TRPM8: variants seen among roughly 807,000 people sequenced by gnomAD.
TRPM8 encodes the protein transient receptor potential cation channel subfamily M member 8, also known as TRPM8 cationic channel.
In TRPM8, 110 loss-of-function variants were observed where a neutral mutation model predicts 133.7. The observed-to-expected ratio is 0.82, with a 90% CI of 0.70 to 0.96. TRPM8 has a LOEUF of 0.96. TRPM8 is among the 40% of genes least tolerant of loss of function. The pLI, the probability that TRPM8 is intolerant of heterozygous loss-of-function variation, is 0.00. For missense variants in TRPM8, 1,291 were observed against 1,379.5 expected (o/e 0.94, Z 1.02); for synonymous variants, 535 against 532.3 (o/e 1.01, Z -0.07).
intron 24 of TRPM8, among the ~76,000 whole-genome samples, chr2:234,008,552 C>T: frequency 6.6e-6 from 1 of 152,354 alleles, no homozygotes; most frequent in Admixed American, 6.5e-5. Context: ...CAGAGTGTGT[C>T]TGCCCTCACT....
At chr2:233,943,324 T>C (rs766850464) in intron 6 of TRPM8, among the ~76,000 whole-genome samples, 3 of 151,970 alleles carry the variant, frequency 2.0e-5, no homozygotes, top group Non-Finnish European at 4.4e-5. Flanking sequence ...AACCCAAATG[T>C]CCAACAGTGA....
intron 12 of TRPM8, 48 bp from the exon 13 acceptor site, chr2:233,963,234 A>C: frequency 2.2e-6 from 3 of 1,362,920 alleles, no homozygotes; most frequent in Non-Finnish European, 3.1e-6. Context: ...TCCTGATCCC[A>C]GAACAGTTTC....
intron 2 of TRPM8, among the ~76,000 whole-genome samples, chr2:233,928,181 G>A (rs1691606010): frequency 6.6e-6 from 1 of 151,796 alleles, no homozygotes; most frequent in South Asian, 2.1e-4. Flanking sequence ...GTGTTAGCCA[G>A]GATGGTCTCG....
At chr2:233,970,631 T>C (rs1228806331) in intron 17 of TRPM8, 2 of 590,482 alleles carry the variant, frequency 3.4e-6, no homozygotes, top group African/African-American at 1.9e-5. Flanking sequence ...ACCAAGTTTA[T>C]TCTTTGCTCT....
rs1421979835 is a variant in TRPM8 at position 233,989,654 on chromosome 2, C to T, written c.2939+3789C>T. Among the ~76,000 whole-genome samples the T allele has an allele frequency of 6.6e-6, 1 of 152,192 alleles. No homozygotes were observed. The highest frequency in any genetic ancestry group is 2.4e-5 in the African/African-American group (1 of 41,448). ...TCAAAATACTCATTTAAAAGCTTAA[C>T]CATACACAATGGCAACCTTATTAAC... On this transcript the variant is annotated intron_variant, in intron 21 of 25. Coordinates refer to ENST00000324695, the MANE Select transcript of TRPM8 (RefSeq NM_024080.5). This position sits in a 1 kb window ranked among gnomAD's most constrained non-coding sequence, Gnocchi z 4.2.
intron 15 of TRPM8, 120 bp downstream of exon 15, chr2:233,966,875 A>T (rs1691590793): frequency 7.6e-7 from 1 of 1,315,354 alleles, no homozygotes; most frequent in Admixed American, 3.1e-5. Flanking sequence ...AAGCCATAGA[A>T]GGAGTGGTTT....
Position 233,938,656 on chromosome 2 carries a change from T to C in TRPM8, c.349-342T>C, listed in dbSNP as rs112531435. Among the ~76,000 whole-genome samples the C allele has an allele frequency of 3.7e-3, 568 of 151,962 alleles. 5 individuals carry two copies. Among genetic ancestry groups the C allele is most frequent in the African/African-American group, 0.013 (551 of 41,410 alleles). On this transcript the variant is annotated intron_variant, in intron 4 of 25. Transcript: ENST00000324695. ...ATAAGAGACAAATAGTAGCATTCTT[T>C]TGAGTTTCTGATTAGCCTTTCCAAA... is the stretch of plus-strand genomic sequence containing the variant.
rs28901651 is a variant in TRPM8, at chr2:233,951,468, C to T, written c.1140+1322C>T. ...CCAGGTCCACTTCAGTGACCTTCCT[C>T]TTACTCCTTGTACAAGTTGGCTTGC... On this transcript the variant is annotated intron_variant, in intron 9 of 25. Coordinates refer to ENST00000324695, the MANE Select transcript of TRPM8 (RefSeq NM_024080.5). 7.8e-3 allele frequency among the ~76,000 whole-genome samples: 1,183 copies of T among 152,240 alleles called. 20 individuals carry two copies. Among genetic ancestry groups the T allele is most frequent in the African/African-American group, 0.026 (1,096 of 41,540 alleles).
intron 17 of TRPM8, among the ~76,000 whole-genome samples, chr2:233,975,692 C>A (rs112451940): frequency 6.6e-6 from 1 of 152,204 alleles, no homozygotes; most frequent in South Asian, 2.1e-4. Flanking sequence ...ACCAGCCTGG[C>A]CAACATGGCA....
Position 233,966,904 on chromosome 2 carries a change from G to A in TRPM8, c.2025+149G>A, listed in dbSNP as rs1574736645. 4 of 1,010,438 alleles carry A rather than the reference G, an allele frequency of 4.0e-6. No individual in the cohort carries two copies. The East Asian group carries it at 1.1e-4, about 28-fold the overall frequency. The allele number at this position is 1,010,438 out of a possible 1,614,324, so 62.6% of individuals were successfully genotyped here. A position where few individuals can be genotyped will look rare whatever the true frequency, so the allele number is the denominator to read the frequency against. Reference sequence around the variant, plus strand: ...GTGGTTTGGTGATGATGTGGGAGATGGCCAAGTATAGGCATTGGTCGAAAT... The same window carrying A: ...GTGGTTTGGTGATGATGTGGGAGATAGCCAAGTATAGGCATTGGTCGAAAT... On this transcript the variant is annotated intron_variant, in intron 15 of 25. Transcript: ENST00000324695.
At chr2:233,929,534 TTGTC>T in intron 2 of TRPM8, among the ~76,000 whole-genome samples, 1 of 152,310 alleles carries the variant, frequency 6.6e-6, no homozygotes, top group South Asian at 2.1e-4. Flanking sequence ...GTGTGTAAAG[TTGTC>T]TGAGAACTCC....
chr2:233,957,742 G>A lies in TRPM8; in HGVS notation c.1362+2492G>A, dbSNP rs908438129. Reference sequence around the variant, plus strand: ...GGTGAGCCACTCCACATCTCTTCCCGATTCCATATTTAGTGATGTCACATT... The same window carrying A: ...GGTGAGCCACTCCACATCTCTTCCCAATTCCATATTTAGTGATGTCACATT... On this transcript the variant is annotated intron_variant, in intron 11 of 25. Transcript: ENST00000324695. Among the ~76,000 whole-genome samples, 7 of 152,074 alleles carry A rather than the reference G, an allele frequency of 4.6e-5. No homozygotes were observed. In the East Asian group the frequency reaches 7.7e-4, roughly 17 times the overall value.
chr2:233,954,382 C>A (rs1469134416), intron 10 of TRPM8, among the ~76,000 whole-genome samples: 1 of 152,220 alleles, frequency 6.6e-6, no homozygotes, highest in African/African-American at 2.4e-5. Flanking sequence ...TATTTGTACA[C>A]ATATGCACAC....
chr2:233,927,706 GTCTCTTTCTT>G (rs1470344829), intron 2 of TRPM8, among the ~76,000 whole-genome samples: 1 of 149,516 alleles, frequency 6.7e-6, no homozygotes. Context: ...GACAGAGTCT[GTCTCTTTCTT>G]TCTTTCTTTC....
chr2:234,004,787 A>G (rs1692653045), intron 22 of TRPM8, among the ~76,000 whole-genome samples: 1 of 152,256 alleles, frequency 6.6e-6, no homozygotes, highest in African/African-American at 2.4e-5. Context: ...AATATTGTCA[A>G]CACACTGGTG....
chr2:233,960,855 G>A lies in TRPM8; in HGVS notation c.1442G>A (p.Gly481Asp). ...TTTGTCCGCCTCTTTCTGGAGAATG[G>A]CTTGAACCTACGGAAGTTTCTCACC... The part of the protein sequence containing the change: ...PKFVRLFLEN[G>D]LNLRKFLTHD... The change falls in exon 12 of 26, where the codon GGC becomes GAC. Residue 481 changes from glycine (G) to aspartate (D), a missense_variant. Coordinates refer to ENST00000324695, the MANE Select transcript of TRPM8 (RefSeq NM_024080.5). 6.2e-7 allele frequency: 1 copy of A among 1,614,142 alleles called. No homozygotes were observed.
rs1691660913 is a variant in TRPM8, at chr2:233,969,724, G to A, written c.2055G>A (p.Glu685=). 1.2e-6 allele frequency: 2 copies of A among 1,613,614 alleles called. No homozygotes were observed. Among genetic ancestry groups the A allele is most frequent in the African/African-American group, 1.3e-5 (1 of 75,020 alleles). ...QNFLSKQWYG[E]ISRDTKNWKI... Reference sequence around the variant, plus strand: ...TTCTTTCTAAGCAATGGTATGGAGAGATTTCCCGAGACACCAAGAACTGGA... The same window carrying A: ...TTCTTTCTAAGCAATGGTATGGAGAAATTTCCCGAGACACCAAGAACTGGA... The change falls in exon 16 of 26, where the codon GAG becomes GAA. Residue 685 remains glutamate (E), a synonymous_variant. Transcript: ENST00000324695.
chr2:233,924,782 T>C (rs868482941), intron 1 of TRPM8, among the ~76,000 whole-genome samples: 8 of 152,336 alleles, frequency 5.3e-5, no homozygotes, highest in Middle Eastern at 6.8e-3. Context: ...TGAAGTCACT[T>C]CCTAAGCCTT....
chr2:234,002,549 C>G (rs1487702157), intron 22 of TRPM8, among the ~76,000 whole-genome samples: 1 of 152,134 alleles, frequency 6.6e-6, no homozygotes, highest in Admixed American at 6.5e-5. Flanking sequence ...GTGGGGAGAC[C>G]CACAGATCAC....
Sources: gnomAD v4.1 joint callset for allele counts (sites outside exome capture counted in the v4.1 genomes callset) on GRCh38, gnomAD v4.1.1 for gene constraint, Gnocchi (gnomAD v3.1) non-coding constraint, MANE v1.5 for transcripts, NCBI Gene and HGNC (gene_info 2026-07-23, HGNC 2026-07-21) for gene names.